RBM47: variants seen among roughly 807,000 people sequenced by gnomAD.
RBM47 encodes the protein RNA binding motif protein 47.
RBM47 carries 21 observed loss-of-function variants against 47.1 expected under a neutral mutation model. The ratio of observed to expected loss-of-function variants is 0.45; its 90% CI spans 0.32 to 0.64. The LOEUF is 0.64. Ranked by LOEUF, RBM47 falls within the 30% of genes least tolerant of loss-of-function variation. The probability of loss-of-function intolerance (pLI) is 0.05; values close to 1 mark genes in which losing one functional copy is unlikely to be tolerated. For missense variants in RBM47, 708 were observed against 870.9 expected (o/e 0.81, Z 2.35); for synonymous variants, 375 against 361.7 (o/e 1.04, Z -0.42).
intron 1 of RBM47, among the ~76,000 whole-genome samples, chr4:40,576,196 T>G (rs552201740): frequency 1.3e-5 from 2 of 150,556 alleles, no homozygotes; most frequent in Non-Finnish European, 3.0e-5. Flanking sequence ...TTTCCCAGAT[T>G]ATGCCCTTTC....
At chr4:40,605,721 C>T (rs910738363) in intron 1 of RBM47, among the ~76,000 whole-genome samples, 3 of 151,662 alleles carry the variant, frequency 2.0e-5, no homozygotes, top group Non-Finnish European at 4.4e-5. Context: ...ATCCCAGCTA[C>T]TTGGGAGGCT....
intron 3 of RBM47, among the ~76,000 whole-genome samples, chr4:40,454,194 G>C (rs1299958760): frequency 6.6e-6 from 1 of 152,216 alleles, no homozygotes; most frequent in Non-Finnish European, 1.5e-5. Context: ...AGTGTTTACT[G>C]TCTGGACCTT....
At position 40,425,994 on chromosome 4, in the gene RBM47, G is replaced by A. The variant is rs780821237; in HGVS notation, c.1692C>T (p.Ala564=). The change falls in exon 7 of 7, where the codon GCC becomes GCT. Residue 564 remains alanine (A), a synonymous_variant. Coordinates refer to ENST00000295971, the MANE Select transcript of RBM47 (RefSeq NM_001098634.2). ...TLQKNAAAAA[A]MYGGYAGYIP... ...TGTAGCCTGCGTATCCTCCATACATGGCGGCCGCGGCTGCCGCGTTCTTCT... is the reference window on the plus strand; with the variant it reads ...TGTAGCCTGCGTATCCTCCATACATAGCGGCCGCGGCTGCCGCGTTCTTCT... 4 of 1,613,780 alleles carry A rather than the reference G, an allele frequency of 2.5e-6. No individual in the cohort carries two copies. The highest frequency in any genetic ancestry group is 1.1e-5 in the South Asian group (1 of 91,072).
intron 6 of RBM47, among the ~76,000 whole-genome samples, chr4:40,432,203 TACACACACACAC>T (rs61008905): frequency 0.49 from 72,510 of 147,712 alleles, 18,231 homozygotes; most frequent in East Asian, 0.63. Flanking sequence ...TCTCTCTCTT[TACACACACACAC>T]ACACACACAC....
intron 1 of RBM47, among the ~76,000 whole-genome samples, chr4:40,610,452 T>C (rs767117299): frequency 6.6e-5 from 10 of 150,700 alleles, no homozygotes; most frequent in Non-Finnish European, 1.5e-4. Context: ...CTACTAAAAA[T>C]ACAAAAAATT....
At chr4:40,561,841 C>T (rs922661317) in intron 1 of RBM47, among the ~76,000 whole-genome samples, 1 of 152,100 alleles carries the variant, frequency 6.6e-6, no homozygotes, top group Non-Finnish European at 1.5e-5. Flanking sequence ...TGAGCCACCT[C>T]GCCTGGCCTC....
intron 6 of RBM47, 142 bp downstream of exon 6, chr4:40,432,503 CTTCAAA>C: frequency 7.2e-7 from 1 of 1,390,276 alleles, no homozygotes; most frequent in Non-Finnish European, 9.8e-7. Context: ...TTCTGTCATG[CTTCAAA>C]TTCAAAATGC....
At chr4:40,598,722 C>T (rs1285544457) in intron 1 of RBM47, among the ~76,000 whole-genome samples, 2 of 151,808 alleles carry the variant, frequency 1.3e-5, no homozygotes, top group Non-Finnish European at 2.9e-5. Flanking sequence ...ACAAATTAAG[C>T]TATTTTTAAA....
chr4:40,561,410 T>C lies in RBM47; in HGVS notation c.-239-16904A>G, dbSNP rs1277685389. Among the ~76,000 whole-genome samples, 11 of 151,880 alleles carry C rather than the reference T, an allele frequency of 7.2e-5. No homozygotes were observed. In the East Asian group the frequency reaches 2.1e-3, roughly 29 times the overall value. On this transcript the variant is annotated intron_variant, in intron 1 of 6. Coordinates refer to ENST00000295971, the MANE Select transcript of RBM47 (RefSeq NM_001098634.2). ...TTACGCCTAGCTAATTTTTGTATTT[T>C]CAGTAGAGATGGGATGTTGACCAGG...
chr4:40,480,926 T>A (rs775451229), intron 2 of RBM47, among the ~76,000 whole-genome samples: 50 of 152,124 alleles, frequency 3.3e-4, no homozygotes, highest in Non-Finnish European at 5.9e-4. Context: ...ATGTGTAACA[T>A]TATAGCCCTT....
intron 2 of RBM47, among the ~76,000 whole-genome samples, chr4:40,471,263 C>A (rs1718822711): frequency 6.6e-6 from 1 of 152,158 alleles, no homozygotes; most frequent in Non-Finnish European, 1.5e-5. Context: ...ACACAAGACA[C>A]AACATTTGAA....
chr4:40,459,531 A>G (rs1300324876), intron 3 of RBM47, among the ~76,000 whole-genome samples: 1 of 152,006 alleles, frequency 6.6e-6, no homozygotes, highest in Non-Finnish European at 1.5e-5. Context: ...GTGCCACTGC[A>G]CTCCAGCCTG....
At chr4:40,604,192 A>G (rs1484835951) in intron 1 of RBM47, among the ~76,000 whole-genome samples, 1 of 152,262 alleles carries the variant, frequency 6.6e-6, no homozygotes, top group Non-Finnish European at 1.5e-5. Flanking sequence ...AGTGTCTGTA[A>G]TATTACACAG....
At chr4:40,615,786 TA>T (rs962190071) in intron 1 of RBM47, among the ~76,000 whole-genome samples, 1 of 151,796 alleles carries the variant, frequency 6.6e-6, no homozygotes, top group Non-Finnish European at 1.5e-5. Context: ...GTCTCAAAAT[TA>T]ATTAATTAAC....
At chr4:40,531,845 T>G (rs1727417278) in intron 2 of RBM47, among the ~76,000 whole-genome samples, 1 of 151,940 alleles carries the variant, frequency 6.6e-6, no homozygotes, top group Admixed American at 6.6e-5. Context: ...AAGATGGTAG[T>G]GCGAATGAAG....
rs1246916015 is a variant in RBM47 at position 40,628,378 on chromosome 4, T to C, written c.-240+1018A>G. ...CAAACTCCCACAAAGTGATCTCTTC[T>C]TATGCTCTAGGTTGAGTACTTTGGT... On this transcript the variant is annotated intron_variant, in intron 1 of 6. Transcript: ENST00000295971. This position sits in a 1 kb window ranked among gnomAD's most constrained non-coding sequence, Gnocchi z 4.0. 1.3e-5 allele frequency among the ~76,000 whole-genome samples: 2 copies of C among 152,212 alleles called. No individual in the cohort carries two copies. The highest frequency in any genetic ancestry group is 2.9e-5 in the Non-Finnish European group (2 of 68,032).
intron 2 of RBM47, among the ~76,000 whole-genome samples, chr4:40,486,688 G>A (rs1472383254): frequency 6.6e-6 from 1 of 152,182 alleles, no homozygotes; most frequent in Non-Finnish European, 1.5e-5. Flanking sequence ...TAGAGGAAAT[G>A]GGGTGAGGGT....
chr4:40,457,399 G>A (rs1486551451), intron 3 of RBM47, among the ~76,000 whole-genome samples: 1 of 149,280 alleles, frequency 6.7e-6, no homozygotes, highest in African/African-American at 2.5e-5. Context: ...CTCCAGCCTG[G>A]GTGACAGAGT....
At chr4:40,531,892 G>C (rs554303719) in intron 2 of RBM47, among the ~76,000 whole-genome samples, 12 of 152,238 alleles carry the variant, frequency 7.9e-5, no homozygotes, top group East Asian at 1.9e-4. Context: ...AGTGAGGCAG[G>C]GGGGTGAGGA....
Sources: gnomAD v4.1 joint callset for allele counts (sites outside exome capture counted in the v4.1 genomes callset) on GRCh38, gnomAD v4.1.1 for gene constraint, Gnocchi (gnomAD v3.1) non-coding constraint, MANE v1.5 for transcripts, NCBI Gene and HGNC (gene_info 2026-07-23, HGNC 2026-07-21) for gene names.